GRHL3: variants seen among roughly 807,000 people sequenced by gnomAD.
GRHL3 encodes grainyhead like transcription factor 3, also known as grainyhead-like protein 3 homolog.
GRHL3 carries 20 observed loss-of-function variants against 70.3 expected under a neutral mutation model. That is an observed-to-expected ratio of 0.28 (90% CI 0.20 to 0.41). GRHL3 has a LOEUF of 0.41. Ranked by LOEUF, GRHL3 falls within the 10% of genes least tolerant of loss-of-function variation. The pLI, the probability that GRHL3 is intolerant of heterozygous loss-of-function variation, is 1.00. For synonymous variants in GRHL3, 299 were observed against 299.9 expected, an observed-to-expected ratio of 1.00 and a Z score of 0.03; for missense variants, 637 against 762.3, an observed-to-expected ratio of 0.84 and a Z score of 1.94.
chr1:24,352,488 C>G (rs1384269732), intron 15 of GRHL3, among the ~76,000 whole-genome samples: 2 of 152,156 alleles, frequency 1.3e-5, no homozygotes, highest in Non-Finnish European at 1.5e-5. Flanking sequence ...CAGGGGCCCG[C>G]TGTCATTAAC....
chr1:24,349,566 C>T (rs927256955), intron 14 of GRHL3, among the ~76,000 whole-genome samples: 2 of 152,226 alleles, frequency 1.3e-5, no homozygotes, highest in Admixed American at 6.5e-5. Flanking sequence ...TCCAGCAACC[C>T]TCTGAGGTGG....
At chr1:24,337,264 G>A in intron 5 of GRHL3, 113 bp downstream of exon 5, 1 of 717,740 alleles carries the variant, frequency 1.4e-6, no homozygotes, top group Non-Finnish European at 2.3e-6. Context: ...TGAGAAGTGG[G>A]GGATGAAGGC....
At chr1:24,325,704 G>A (rs868650703) in intron 1 of GRHL3, among the ~76,000 whole-genome samples, 18 of 152,286 alleles carry the variant, frequency 1.2e-4, no homozygotes, top group Middle Eastern at 3.4e-3. Context: ...CTGTTGTGCC[G>A]AGTGCCAGTG....
At chr1:24,320,408 C>T (rs1182734212) in intron 1 of GRHL3, among the ~76,000 whole-genome samples, 1 of 152,178 alleles carries the variant, frequency 6.6e-6, no homozygotes, top group Non-Finnish European at 1.5e-5. Context: ...TGCTGATCTT[C>T]ACCATGATGT....
At chr1:24,330,089 G>A (rs1353366278) in intron 1 of GRHL3, among the ~76,000 whole-genome samples, 1 of 152,100 alleles carries the variant, frequency 6.6e-6, no homozygotes, top group African/African-American at 2.4e-5. Flanking sequence ...TTAAAATAAT[G>A]GACATATAAT....
At chr1:24,363,616 G>C (rs879784358) in intron 15 of GRHL3, among the ~76,000 whole-genome samples, 35 of 152,228 alleles carry the variant, frequency 2.3e-4, no homozygotes, top group Non-Finnish European at 3.8e-4. Flanking sequence ...AGATTGTTAG[G>C]AAGATTGTGC....
intron 15 of GRHL3, among the ~76,000 whole-genome samples, chr1:24,353,038 T>G (rs1048666941): frequency 6.6e-6 from 1 of 152,242 alleles, no homozygotes; most frequent in Admixed American, 6.5e-5. Context: ...GATTTTGCCT[T>G]CCTTCTATCT....
At position 24,342,705 on chromosome 1, in the gene GRHL3, G is replaced by A. The variant is rs1255844440; in HGVS notation, c.1218G>A (p.Arg406=). ...CTTCTCCCCTGCAGGGAGCTGAGAG[G>A]AAGATGCGCGATGACGAGCGGAAGC... ...IKIFCDKGAE[R]KMRDDERKQF... The change falls in exon 10 of 16, where the codon AGG becomes AGA. Residue 406 remains arginine (R), a synonymous_variant. Coordinates refer to ENST00000361548, the MANE Select transcript of GRHL3 (RefSeq NM_198173.3). This position sits in a 1 kb window ranked among gnomAD's most constrained non-coding sequence, Gnocchi z 4.8. 1 of 1,614,224 alleles carries A rather than the reference G, an allele frequency of 6.2e-7. No individual in the cohort carries two copies. Among genetic ancestry groups the A allele is most frequent in the Admixed American group, 1.7e-5 (1 of 60,034 alleles).
chr1:24,357,744 G>A (rs1488642150), downstream of GRHL3: 1 of 179,582 alleles, frequency 5.6e-6, no homozygotes, highest in Non-Finnish European at 1.2e-5. Flanking sequence ...AAACCACTAG[G>A]GCACATTTCT....
rs183578543 is a variant in GRHL3, at chr1:24,327,307, C to T, written c.18-4119C>T. Among the ~76,000 whole-genome samples, 5 of 152,278 alleles carry T rather than the reference C, an allele frequency of 3.3e-5. No individual in the cohort carries two copies. In the East Asian group the frequency reaches 9.7e-4, roughly 29 times the overall value. On this transcript the variant is annotated intron_variant, in intron 1 of 15. Transcript: ENST00000361548. ...TACCTACTTGTTTATGGTCTATCTT[C>T]CCCAATTAGATTGTAAGTTCCATGG... is the stretch of plus-strand genomic sequence containing the variant.
At chr1:24,323,004 C>A (rs1032294716) in intron 1 of GRHL3, 3 of 1,388,590 alleles carry the variant, frequency 2.2e-6, no homozygotes, top group South Asian at 1.2e-5. Flanking sequence ...TAGGCCACCC[C>A]GCTTCCTCTG....
Position 24,342,548 on chromosome 1 carries a change from G to C in GRHL3, c.1207-146G>C, listed in dbSNP as rs1640084789. 1 of 858,230 alleles carries C rather than the reference G, an allele frequency of 1.2e-6. No homozygotes were observed. The highest frequency in any genetic ancestry group is 1.9e-6 in the Non-Finnish European group (1 of 525,600). 53.2% of individuals were successfully genotyped at this position (858,230 alleles called of 1,614,324 possible). ...CCACTGGCCAGGCTGGGCCAGGTAAGTGCTGGTACCTTCCCATTTCCTGGT... is the reference window on the plus strand; with the variant it reads ...CCACTGGCCAGGCTGGGCCAGGTAACTGCTGGTACCTTCCCATTTCCTGGT... On this transcript the variant is annotated intron_variant, in intron 9 of 15. Transcript: ENST00000361548. This position sits in a 1 kb window ranked among gnomAD's most constrained non-coding sequence, Gnocchi z 4.8.
intron 15 of GRHL3, among the ~76,000 whole-genome samples, chr1:24,363,765 G>C (rs1641275064): frequency 6.6e-6 from 1 of 152,176 alleles, no homozygotes; most frequent in East Asian, 1.9e-4. Flanking sequence ...AATCCATCCA[G>C]AAATCCAGAA....
intron 1 of GRHL3, among the ~76,000 whole-genome samples, chr1:24,328,468 T>C (rs895329355): frequency 2.0e-5 from 3 of 152,254 alleles, no homozygotes. Flanking sequence ...CAAGATAGAT[T>C]GGAGACCTTA....
At chr1:24,358,541 C>T (rs139587004), downstream of GRHL3, 2 of 1,613,024 alleles carry the variant, frequency 1.2e-6, no homozygotes, top group Non-Finnish European at 1.7e-6. Flanking sequence ...TGTGTGACAT[C>T]CCTACAGAAC....
At position 24,334,348 on chromosome 1, in the gene GRHL3, G is replaced by A. The variant is rs774485602; in HGVS notation, c.205-297G>A. ...GCAAACACATCCTTCTTCACATGGC[G>A]GCAGCAAGGAAAAGTCCCGAGCGAA... On this transcript the variant is annotated intron_variant, in intron 2 of 15. Transcript: ENST00000361548. This position sits in a 1 kb window ranked among gnomAD's most constrained non-coding sequence, Gnocchi z 4.3. 2.0e-5 allele frequency among the ~76,000 whole-genome samples: 3 copies of A among 152,046 alleles called. No individual in the cohort carries two copies. The highest frequency in any genetic ancestry group is 4.8e-5 in the African/African-American group (2 of 41,374).
intron 1 of GRHL3, among the ~76,000 whole-genome samples, chr1:24,324,627 G>T (rs1285548718): frequency 6.6e-6 from 1 of 152,176 alleles, no homozygotes; most frequent in Admixed American, 6.5e-5. Context: ...CCAGCACCCG[G>T]TACTTGGTAA....
chr1:24,354,729 C>A lies in GRHL3; in HGVS notation c.*241C>A. 1 of 427,700 alleles carries A rather than the reference C, an allele frequency of 2.3e-6. No homozygotes were observed. The highest frequency in any genetic ancestry group is 4.3e-6 in the Non-Finnish European group (1 of 232,988). 26.5% of individuals were successfully genotyped at this position (427,700 alleles called of 1,614,324 possible). A position where few individuals can be genotyped will look rare whatever the true frequency, so the allele number is the denominator to read the frequency against. ...CCTGAACTTCCTGCCAGTGCCTCCC[C>A]GTACCCCAAAACAATGTCACCATGG... On this transcript the variant is annotated 3_prime_UTR_variant, in exon 16 of 16. Transcript: ENST00000361548.
intron 15 of GRHL3, among the ~76,000 whole-genome samples, chr1:24,351,883 G>A (rs532807683): frequency 4.6e-5 from 7 of 152,276 alleles, no homozygotes; most frequent in South Asian, 4.1e-4. Flanking sequence ...CTGTTTGTAC[G>A]TATGGGGAAA....
Sources: gnomAD v4.1 joint callset for allele counts (sites outside exome capture counted in the v4.1 genomes callset) on GRCh38, gnomAD v4.1.1 for gene constraint, Gnocchi (gnomAD v3.1) non-coding constraint, MANE v1.5 for transcripts, NCBI Gene and HGNC (gene_info 2026-07-23, HGNC 2026-07-21) for gene names.